AHCYL2: variants seen among roughly 807,000 people sequenced by gnomAD.
The protein encoded by AHCYL2 is adenosylhomocysteinase like 2, also known as S-adenosylhomocysteine hydrolase-like protein 2.
In AHCYL2, 28 loss-of-function variants were observed where a neutral mutation model predicts 81.4. That is an observed-to-expected ratio of 0.34 (90% CI 0.25 to 0.47). AHCYL2 has a LOEUF of 0.47. Ranked by LOEUF, AHCYL2 falls within the 20% of genes least tolerant of loss-of-function variation. The probability of loss-of-function intolerance (pLI) is 1.00; values close to 1 mark genes in which losing one functional copy is unlikely to be tolerated. For missense variants in AHCYL2, 551 were observed against 785.1 expected (o/e 0.70, Z 3.56); for synonymous variants, 272 against 290.2 (o/e 0.94, Z 0.64).
intron 1 of AHCYL2, among the ~76,000 whole-genome samples, chr7:129,287,845 G>A (rs988302217): frequency 1.3e-5 from 2 of 152,254 alleles, no homozygotes; most frequent in African/African-American, 4.8e-5. Flanking sequence ...TGTCGATCAT[G>A]TACTCCATTA....
At chr7:129,384,582 C>A (rs949193600) in intron 2 of AHCYL2, among the ~76,000 whole-genome samples, 3 of 151,984 alleles carry the variant, frequency 2.0e-5, no homozygotes, top group African/African-American at 4.8e-5. Context: ...AAAAAAGATA[C>A]TTTCCTGTCC....
At chr7:129,378,464 G>A (rs964906705) in intron 1 of AHCYL2, among the ~76,000 whole-genome samples, 11 of 152,122 alleles carry the variant, frequency 7.2e-5, no homozygotes, top group African/African-American at 2.7e-4. Context: ...TTCCTGCTAT[G>A]TTTCAATTTA....
At chr7:129,312,632 C>T (rs1797697688) in intron 1 of AHCYL2, among the ~76,000 whole-genome samples, 1 of 152,134 alleles carries the variant, frequency 6.6e-6, no homozygotes, top group African/African-American at 2.4e-5. Context: ...GGTCAATATA[C>T]AAGATTACCT....
In AHCYL2 at chr7:129,426,385, A is replaced by G. The variant is rs1797367593; in HGVS notation, c.1709-58A>G. On this transcript the variant is annotated intron_variant, in intron 15 of 16. Transcript: ENST00000325006. The surrounding 1 kb of genome is among the most constrained non-coding windows in gnomAD (Gnocchi z 4.3). ...CTTTTTAAGGCCTAGCTTGGGGACAATAGCCATCAGATAAAAGGCATGAAT... is the reference window on the plus strand; with the variant it reads ...CTTTTTAAGGCCTAGCTTGGGGACAGTAGCCATCAGATAAAAGGCATGAAT... 4 of 1,613,664 alleles carry G rather than the reference A, an allele frequency of 2.5e-6. No homozygotes were observed. Among genetic ancestry groups the G allele is most frequent in the Admixed American group, 3.3e-5 (2 of 60,028 alleles).
chr7:129,269,132 T>G (rs1464661549), intron 1 of AHCYL2, among the ~76,000 whole-genome samples: 1 of 1,872 alleles, frequency 5.3e-4, no homozygotes, highest in African/African-American at 5.5e-4. Flanking sequence ...ATGATTCCTG[T>G]TTTTTTTTTT....
intron 1 of AHCYL2, among the ~76,000 whole-genome samples, chr7:129,301,443 A>G (rs538469684): frequency 1.6e-4 from 24 of 152,282 alleles, no homozygotes; most frequent in Non-Finnish European, 2.9e-4. Context: ...GCCCACTCCA[A>G]TGTCCTGGAG....
At chr7:129,377,520 CATT>C (rs1233075700) in intron 1 of AHCYL2, 5 of 456,560 alleles carry the variant, frequency 1.1e-5, no homozygotes, top group South Asian at 6.2e-5. Flanking sequence ...TCAAGTGACT[CATT>C]AGTTACCTCT....
intron 1 of AHCYL2, among the ~76,000 whole-genome samples, chr7:129,286,757 A>G (rs1796645387): frequency 6.6e-6 from 1 of 151,702 alleles, no homozygotes; most frequent in Admixed American, 6.6e-5. Context: ...CACCACTTCC[A>G]GCTCCTTTAC....
chr7:129,344,749 C>G (rs1358534317), intron 1 of AHCYL2, among the ~76,000 whole-genome samples: 1 of 152,010 alleles, frequency 6.6e-6, no homozygotes, highest in African/African-American at 2.4e-5. Flanking sequence ...GGTGGGAGAG[C>G]TAAATAAGCT....
At chr7:129,315,882 C>T (rs1365011570) in intron 1 of AHCYL2, among the ~76,000 whole-genome samples, 1 of 152,188 alleles carries the variant, frequency 6.6e-6, no homozygotes, top group Admixed American at 6.5e-5. Context: ...GTACTAATGT[C>T]AGGCTGAAAT....
At chr7:129,347,397 A>G (rs1463766955) in intron 1 of AHCYL2, among the ~76,000 whole-genome samples, 1 of 152,174 alleles carries the variant, frequency 6.6e-6, no homozygotes, top group African/African-American at 2.4e-5. Flanking sequence ...CAGAGGGTAT[A>G]TGGGAACTCT....
At chr7:129,415,663 G>GT (rs957439955) in intron 12 of AHCYL2, among the ~76,000 whole-genome samples, 5 of 151,002 alleles carry the variant, frequency 3.3e-5, no homozygotes, top group African/African-American at 1.2e-4. Flanking sequence ...AGAATATGAT[G>GT]TTTGAGACCA....
intron 6 of AHCYL2, 36 bp downstream of exon 6, chr7:129,400,420 G>T (rs1172520651): frequency 3.8e-6 from 6 of 1,591,942 alleles, no homozygotes; most frequent in South Asian, 3.4e-5. Flanking sequence ...TTCTGTAGGG[G>T]TCAGGAATGG....
At chr7:129,371,134 C>G (rs185694360) in intron 1 of AHCYL2, among the ~76,000 whole-genome samples, 41 of 152,246 alleles carry the variant, frequency 2.7e-4, no homozygotes, top group African/African-American at 9.6e-4. Context: ...CCATGTTGGG[C>G]CAAAGTTTCA....
intron 1 of AHCYL2, among the ~76,000 whole-genome samples, chr7:129,279,502 C>T (rs1404314903): frequency 6.6e-6 from 1 of 152,136 alleles, no homozygotes; most frequent in African/African-American, 2.4e-5. Flanking sequence ...TGTTATTACC[C>T]TGGAAAGGGG....
chr7:129,409,099 A>AAC (rs61711236), intron 10 of AHCYL2, among the ~76,000 whole-genome samples: 4 of 151,716 alleles, frequency 2.6e-5, no homozygotes, highest in African/African-American at 7.2e-5. Flanking sequence ...AAAAAAAAAA[A>AAC]ACACACACAG....
intron 1 of AHCYL2, among the ~76,000 whole-genome samples, chr7:129,264,733 T>C (rs1298989112): frequency 6.6e-6 from 1 of 152,196 alleles, no homozygotes; most frequent in East Asian, 1.9e-4. Flanking sequence ...ACTCGAAGGC[T>C]AAGGTCTTTA....
At chr7:129,302,267 G>A (rs538244308) in intron 1 of AHCYL2, among the ~76,000 whole-genome samples, 7 of 152,088 alleles carry the variant, frequency 4.6e-5, no homozygotes, top group East Asian at 1.9e-4. Flanking sequence ...TTTTGGTGGC[G>A]TCTTTAGGTT....
At chr7:129,380,626 T>C (rs1376256605) in intron 2 of AHCYL2, among the ~76,000 whole-genome samples, 1 of 152,242 alleles carries the variant, frequency 6.6e-6, no homozygotes, top group Admixed American at 6.5e-5. Flanking sequence ...TATATACTTT[T>C]TACATTTGTC....
Sources: allele counts gnomAD v4.1 joint callset (sites outside exome capture counted in the v4.1 genomes callset), GRCh38; gene constraint gnomAD v4.1.1; non-coding constraint Gnocchi (gnomAD v3.1); transcripts MANE v1.5; gene names NCBI Gene and HGNC (gene_info 2026-07-23, HGNC 2026-07-21).